Variants in MDGA2 observed in about 807,000 individuals in gnomAD.
MDGA2 encodes the protein MAM domain-containing glycosylphosphatidylinositol anchor protein 2.
In MDGA2, 40 loss-of-function variants were observed where a neutral mutation model predicts 117.8. That is an observed-to-expected ratio of 0.34 (90% CI 0.26 to 0.44). The LOEUF (loss-of-function observed/expected upper bound fraction) is 0.44, where lower values mean the gene tolerates loss of function less well. Ranked by LOEUF, MDGA2 falls within the 20% of genes least tolerant of loss-of-function variation. MDGA2 has a pLI of 1.00. For synonymous variants in MDGA2, 452 were observed against 439.0 expected, an observed-to-expected ratio of 1.03 and a Z score of -0.37; for missense variants, 1,123 against 1,250.6, an observed-to-expected ratio of 0.90 and a Z score of 1.54.
At chr14:47,272,046 A>T (rs989601831) in intron 2 of MDGA2, among the ~76,000 whole-genome samples, 18 of 152,166 alleles carry the variant, frequency 1.2e-4, no homozygotes, top group African/African-American at 4.1e-4. Context: ...AAACCTTGAC[A>T]AAGTCAAATG....
chr14:47,648,251 T>C (rs1304686442), intron 1 of MDGA2, among the ~76,000 whole-genome samples: 1 of 152,178 alleles, frequency 6.6e-6, no homozygotes. Flanking sequence ...TCACTATTTA[T>C]GCAGTCTGAG....
intron 7 of MDGA2, among the ~76,000 whole-genome samples, chr14:47,044,734 G>A (rs1889196045): frequency 2.0e-5 from 3 of 152,122 alleles, no homozygotes; most frequent in Admixed American, 6.6e-5. Flanking sequence ...TCTAGCAATT[G>A]AACAGGAAGA....
chr14:47,035,391 C>T, intron 7 of MDGA2, 87 bp from the exon 8 acceptor site: 1 of 1,075,626 alleles, frequency 9.3e-7, no homozygotes, highest in East Asian at 2.4e-5. Context: ...GAAACAATTT[C>T]TGCTGGCTGA....
At position 47,173,109 on chromosome 14, in the gene MDGA2, A is replaced by C. The variant is rs371163540; in HGVS notation, c.596-28835T>G. On this transcript the variant is annotated intron_variant, in intron 3 of 16. Coordinates refer to ENST00000399232, the MANE Select transcript of MDGA2 (RefSeq NM_001113498.3). ...AGGGAAGTTTAGAGAAAAAAGAATA[A>C]AAAGAAACAAACAAAGCCTCCAAGA... 3.5e-4 allele frequency among the ~76,000 whole-genome samples: 53 copies of C among 152,332 alleles called. No homozygotes were observed. The East Asian group carries it at 7.1e-3, about 21-fold the overall frequency.
At chr14:47,055,002 CTTTTTTTTT>C (rs10640408) in intron 7 of MDGA2, among the ~76,000 whole-genome samples, 5 of 125,670 alleles carry the variant, frequency 4.0e-5, no homozygotes, top group East Asian at 2.3e-4. Flanking sequence ...TTTTTCTTTT[CTTTTTTTTT>C]TTTTTTTTCC....
intron 1 of MDGA2, among the ~76,000 whole-genome samples, chr14:47,473,684 A>G (rs902657559): frequency 1.3e-5 from 2 of 152,174 alleles, no homozygotes; most frequent in African/African-American, 4.8e-5. Flanking sequence ...ATAAAAAAAG[A>G]ATAAGATTAT....
chr14:47,594,008 AC>A (rs1896490435), intron 1 of MDGA2, among the ~76,000 whole-genome samples: 1 of 152,202 alleles, frequency 6.6e-6, no homozygotes. Context: ...TTAAAATATA[AC>A]TGAATGACTA....
intron 3 of MDGA2, among the ~76,000 whole-genome samples, chr14:47,158,915 A>G (rs1313665568): frequency 6.6e-6 from 1 of 152,252 alleles, no homozygotes; most frequent in Non-Finnish European, 1.5e-5. Context: ...TCTTAAATGC[A>G]TATGAGTAGG....
At chr14:47,230,320 T>C (rs1323635848) in intron 2 of MDGA2, among the ~76,000 whole-genome samples, 2 of 151,940 alleles carry the variant, frequency 1.3e-5, no homozygotes, top group Non-Finnish European at 2.9e-5. Flanking sequence ...CCAAGGCATA[T>C]AGGTTTGACA....
At chr14:47,601,182 G>C (rs1490902150) in intron 1 of MDGA2, among the ~76,000 whole-genome samples, 2 of 152,060 alleles carry the variant, frequency 1.3e-5, no homozygotes. Flanking sequence ...TACTAGTCAG[G>C]GCCATCAGCT....
intron 10 of MDGA2, among the ~76,000 whole-genome samples, chr14:46,894,858 C>G (rs1440816191): frequency 6.6e-6 from 1 of 152,128 alleles, no homozygotes; most frequent in African/African-American, 2.4e-5. Flanking sequence ...GAAAAACTTG[C>G]TTCCTATCAA....
intron 1 of MDGA2, among the ~76,000 whole-genome samples, chr14:47,504,403 T>C (rs1030354117): frequency 6.8e-6 from 1 of 146,302 alleles, no homozygotes; most frequent in Non-Finnish European, 1.5e-5. Flanking sequence ...TATACATATA[T>C]TTTTTTTCAA....
At chr14:47,654,975 T>G (rs1178267671) in intron 1 of MDGA2, among the ~76,000 whole-genome samples, 4 of 152,070 alleles carry the variant, frequency 2.6e-5, no homozygotes. Context: ...AATAACACCC[T>G]GATGATAATG....
At chr14:47,253,103 T>G (rs914262374) in intron 2 of MDGA2, among the ~76,000 whole-genome samples, 1 of 152,166 alleles carries the variant, frequency 6.6e-6, no homozygotes, top group African/African-American at 2.4e-5. Flanking sequence ...GTCCCTCCCA[T>G]GACATGTGAG....
intron 1 of MDGA2, among the ~76,000 whole-genome samples, chr14:47,385,969 ATT>A (rs1293110544): frequency 1.3e-5 from 2 of 152,154 alleles, no homozygotes; most frequent in Non-Finnish European, 2.9e-5. Context: ...CCATTAGAGT[ATT>A]TTTCTAATTT....
rs560618801 is a variant in MDGA2, at chr14:47,112,876, C to T, written c.926-15753G>A. On this transcript the variant is annotated intron_variant, in intron 5 of 16. Coordinates refer to ENST00000399232, the MANE Select transcript of MDGA2 (RefSeq NM_001113498.3). ...TCCCACCAACAGTGTAAAAACATTCCTATTTCTCCACAGCCTCACCAGCAT... is the reference window on the plus strand; with the variant it reads ...TCCCACCAACAGTGTAAAAACATTCTTATTTCTCCACAGCCTCACCAGCAT... Among the ~76,000 whole-genome samples, 8 of 152,196 alleles carry T rather than the reference C, an allele frequency of 5.3e-5. No individual in the cohort carries two copies. The East Asian group carries it at 1.5e-3, about 29-fold the overall frequency.
chr14:47,478,038 G>A (rs1201766649), intron 1 of MDGA2, among the ~76,000 whole-genome samples: 1 of 152,168 alleles, frequency 6.6e-6, no homozygotes, highest in Non-Finnish European at 1.5e-5. Context: ...ACTCAGTGCT[G>A]CTGGAACATA....
At chr14:46,974,263 T>C (rs944858937) in intron 8 of MDGA2, among the ~76,000 whole-genome samples, 4 of 152,112 alleles carry the variant, frequency 2.6e-5, no homozygotes, top group Non-Finnish European at 5.9e-5. Flanking sequence ...TATTCATTAA[T>C]TGGAAGACCT....
At chr14:46,854,338 G>C (rs1053555475) in intron 15 of MDGA2, among the ~76,000 whole-genome samples, 2 of 151,094 alleles carry the variant, frequency 1.3e-5, no homozygotes, top group Non-Finnish European at 3.0e-5. Flanking sequence ...AAAAATATTT[G>C]GATATGTATA....
Sources: allele counts gnomAD v4.1 joint callset (sites outside exome capture counted in the v4.1 genomes callset), GRCh38; gene constraint gnomAD v4.1.1; transcripts MANE v1.5; gene names NCBI Gene and HGNC (gene_info 2026-07-23, HGNC 2026-07-21).